Variants in CBLN2 observed in about 807,000 individuals in gnomAD.
The protein encoded by CBLN2 is cerebellin-2.
Under a neutral mutation model 15.0 loss-of-function variants are expected in CBLN2, and 7 were observed. The observed-to-expected ratio is 0.47, with a 90% CI of 0.27 to 0.88. The LOEUF is 0.88. CBLN2 is among the 40% of genes least tolerant of loss of function. The probability of loss-of-function intolerance (pLI) is 0.14; values close to 1 mark genes in which losing one functional copy is unlikely to be tolerated. For missense variants in CBLN2, 242 were observed against 304.5 expected (o/e 0.79, Z 1.53); for synonymous variants, 149 against 135.2 (o/e 1.10, Z -0.71).
intron 1 of CBLN2, among the ~76,000 whole-genome samples, chr18:72,605,459 G>T (rs1191055555): frequency 3.3e-5 from 5 of 152,188 alleles, no homozygotes; most frequent in African/African-American, 1.2e-4. Context: ...GATGCAAGGG[G>T]ATAATACAAT....
chr18:72,541,512 T>G (rs2069110670), intron 3 of CBLN2, among the ~76,000 whole-genome samples: 2 of 152,238 alleles, frequency 1.3e-5, no homozygotes, highest in Admixed American at 1.3e-4. Flanking sequence ...GAAACATATT[T>G]CAAATCTTTA....
chr18:72,607,104 G>T (rs1262403950), intron 1 of CBLN2, among the ~76,000 whole-genome samples: 1 of 152,162 alleles, frequency 6.6e-6, no homozygotes, highest in African/African-American at 2.4e-5. Context: ...TTGGGCACAG[G>T]CATGGTTACA....
intron 1 of CBLN2, among the ~76,000 whole-genome samples, chr18:72,597,396 G>A (rs1289243642): frequency 6.6e-6 from 1 of 152,210 alleles, no homozygotes; most frequent in Non-Finnish European, 1.5e-5. Context: ...AACAAACAGA[G>A]TCTCTCATTC....
intron 1 of CBLN2, among the ~76,000 whole-genome samples, chr18:72,631,519 T>C (rs1396835783): frequency 6.6e-6 from 1 of 152,146 alleles, no homozygotes; most frequent in Non-Finnish European, 1.5e-5. Context: ...CACAAAGCAC[T>C]TTCTGGAATT....
intron 1 of CBLN2, among the ~76,000 whole-genome samples, chr18:72,591,831 T>C (rs1287614292): frequency 1.3e-5 from 2 of 152,210 alleles, no homozygotes; most frequent in Non-Finnish European, 2.9e-5. Flanking sequence ...CAGAATCTCA[T>C]TCTTTGTTTA....
rs2069067879 is a variant in CBLN2, at chr18:72,537,015, A to G, written c.*1161T>C. 1 of 152,482 alleles carries G rather than the reference A, an allele frequency of 6.6e-6. No individual in the cohort carries two copies. Among genetic ancestry groups the G allele is most frequent in the South Asian group, 2.1e-4 (1 of 4,830 alleles). The allele number at this position is 152,482 out of a possible 1,614,324, so 9.4% of individuals were successfully genotyped here. Reference sequence around the variant, plus strand: ...AATGCATCCCTTTCCTGGGCAGATCAAAAGAGGATCCGGAGGAAGAGGAGC... The same window carrying G: ...AATGCATCCCTTTCCTGGGCAGATCGAAAGAGGATCCGGAGGAAGAGGAGC... On this transcript the variant is annotated 3_prime_UTR_variant, in exon 5 of 5. Coordinates refer to ENST00000269503, the MANE Select transcript of CBLN2 (RefSeq NM_182511.4).
chr18:72,583,230 C>A (rs1440354030), intron 1 of CBLN2, among the ~76,000 whole-genome samples: 3 of 152,166 alleles, frequency 2.0e-5, no homozygotes, highest in African/African-American at 4.8e-5. Flanking sequence ...TTTTTGTAAG[C>A]CCCAGGCAGA....
At chr18:72,540,748 G>C (rs1234943091) in intron 3 of CBLN2, among the ~76,000 whole-genome samples, 1 of 152,144 alleles carries the variant, frequency 6.6e-6, no homozygotes, top group African/African-American at 2.4e-5. Flanking sequence ...CTTAAATAGA[G>C]TCAAGAGTGT....
chr18:72,612,012 T>C (rs562276546), intron 1 of CBLN2, among the ~76,000 whole-genome samples: 2 of 152,284 alleles, frequency 1.3e-5, no homozygotes, highest in South Asian at 4.1e-4. Flanking sequence ...TTCTTCATTG[T>C]TTATTTTTTA....
chr18:72,570,075 G>A (rs2069321135), intron 1 of CBLN2, among the ~76,000 whole-genome samples: 3 of 152,074 alleles, frequency 2.0e-5, no homozygotes, highest in Admixed American at 2.0e-4. Context: ...ATTTGTGGTG[G>A]TTATGTTTTA....
chr18:72,580,063 G>T (rs888113911), intron 1 of CBLN2, among the ~76,000 whole-genome samples: 1 of 151,140 alleles, frequency 6.6e-6, no homozygotes, highest in African/African-American at 2.4e-5. Flanking sequence ...TATGATTATA[G>T]CAGTGCAACT....
At chr18:72,612,451 G>A (rs941465199) in intron 1 of CBLN2, among the ~76,000 whole-genome samples, 13 of 151,960 alleles carry the variant, frequency 8.6e-5, no homozygotes, top group Admixed American at 2.0e-4. Flanking sequence ...CAAACTGATT[G>A]CAGGCTCCCC....
At chr18:72,576,858 T>C (rs1274476393) in intron 1 of CBLN2, among the ~76,000 whole-genome samples, 1 of 149,386 alleles carries the variant, frequency 6.7e-6, no homozygotes, top group African/African-American at 2.4e-5. Flanking sequence ...TAGTGATAAA[T>C]ATATATTATA....
intron 1 of CBLN2, among the ~76,000 whole-genome samples, chr18:72,593,489 G>C (rs2069493592): frequency 6.6e-6 from 1 of 152,170 alleles, no homozygotes; most frequent in East Asian, 1.9e-4. Flanking sequence ...TTCCAGTTTA[G>C]ATGTACTCTG....
At position 72,537,951 on chromosome 18, in the gene CBLN2, C is replaced by A; in HGVS notation, c.*225G>T. ...TCGATAATTTCATTTCTCCTTAAGA[C>A]CTTGTCATCTAAAACTAATTAGAGG... On this transcript the variant is annotated 3_prime_UTR_variant, in exon 5 of 5. Transcript: ENST00000269503. 3.4e-6 allele frequency: 2 copies of A among 584,560 alleles called. No individual in the cohort carries two copies. The highest frequency in any genetic ancestry group is 1.9e-5 in the African/African-American group (1 of 53,710). The allele number at this position is 584,560 out of a possible 1,614,324, so 36.2% of individuals were successfully genotyped here. A position where few individuals can be genotyped will look rare whatever the true frequency, so the allele number is the denominator to read the frequency against.
chr18:72,569,825 C>T (rs1006627665), intron 1 of CBLN2, among the ~76,000 whole-genome samples: 1 of 152,154 alleles, frequency 6.6e-6, no homozygotes, highest in East Asian at 1.9e-4. Flanking sequence ...CCACCAGGCC[C>T]ACCTCCAACA....
chr18:72,546,607 T>C (rs1420837990), upstream of CBLN2, among the ~76,000 whole-genome samples: 2 of 152,210 alleles, frequency 1.3e-5, no homozygotes, highest in Non-Finnish European at 2.9e-5. Flanking sequence ...TTGCTATTAC[T>C]ACTAGAACAT....
At chr18:72,554,150 A>T (rs1029747532) in intron 1 of CBLN2, among the ~76,000 whole-genome samples, 14 of 152,202 alleles carry the variant, frequency 9.2e-5, no homozygotes, top group African/African-American at 3.1e-4. Context: ...TAAAAATTAT[A>T]AGATTATTCT....
At chr18:72,602,131 C>T (rs1377724574) in intron 1 of CBLN2, among the ~76,000 whole-genome samples, 1 of 152,012 alleles carries the variant, frequency 6.6e-6, no homozygotes, top group Non-Finnish European at 1.5e-5. Flanking sequence ...CAAAGACATC[C>T]CCTTCCGGTC....
Sources: gnomAD v4.1 joint callset for allele counts (sites outside exome capture counted in the v4.1 genomes callset) on GRCh38, gnomAD v4.1.1 for gene constraint, MANE v1.5 for transcripts, NCBI Gene and HGNC (gene_info 2026-07-23, HGNC 2026-07-21) for gene names.